The following MBOAT1 variants were observed in gnomAD, a reference collection of about 807,000 sequenced individuals.
MBOAT1 encodes the protein membrane-bound glycerophospholipid O-acyltransferase 1.
A neutral mutation model predicts 64.4 loss-of-function variants in MBOAT1; 67 were observed. The observed-to-expected ratio is 1.04, with a 90% CI of 0.85 to 1.27. MBOAT1 has a LOEUF of 1.27. Ranked by LOEUF, MBOAT1 falls within the 50% of genes most tolerant of loss-of-function variation. The probability of loss-of-function intolerance (pLI) is 0.00; values close to 1 mark genes in which losing one functional copy is unlikely to be tolerated. For missense variants in MBOAT1, 563 were observed against 604.6 expected (o/e 0.93, Z 0.72); for synonymous variants, 229 against 218.9 (o/e 1.05, Z -0.41).
At chr6:20,123,704 T>C (rs2113647570) in intron 8 of MBOAT1, among the ~76,000 whole-genome samples, 1 of 151,954 alleles carries the variant, frequency 6.6e-6, no homozygotes, top group Non-Finnish European at 1.5e-5. Context: ...AGCATGTGTG[T>C]TGGTCAAATT....
intron 4 of MBOAT1, among the ~76,000 whole-genome samples, chr6:20,132,759 T>C (rs1200396881): frequency 6.6e-6 from 1 of 152,212 alleles, no homozygotes; most frequent in East Asian, 1.9e-4. Context: ...AGGACACACA[T>C]CACCCAAGAA....
At chr6:20,145,183 C>T (rs763156756) in intron 3 of MBOAT1, among the ~76,000 whole-genome samples, 1 of 151,918 alleles carries the variant, frequency 6.6e-6, no homozygotes, top group Non-Finnish European at 1.5e-5. Context: ...GAGAGCAGAG[C>T]CTTCATAAAT....
intron 1 of MBOAT1, among the ~76,000 whole-genome samples, chr6:20,208,531 G>C (rs962281368): frequency 1.3e-5 from 2 of 151,458 alleles, no homozygotes. Flanking sequence ...GGAATGCCAC[G>C]TCTTTAAAGC....
intron 1 of MBOAT1, among the ~76,000 whole-genome samples, chr6:20,164,869 A>G (rs1761972072): frequency 6.6e-6 from 1 of 152,176 alleles, no homozygotes; most frequent in South Asian, 2.1e-4. Context: ...TAGCCATATG[A>G]CCATTTTGTG....
chr6:20,161,947 T>C (rs6923823), intron 1 of MBOAT1, among the ~76,000 whole-genome samples: 1,526 of 152,216 alleles, frequency 0.01, 28 homozygotes, highest in African/African-American at 0.035. Flanking sequence ...GTATCTGAGA[T>C]TGAGGGTGTC....
At chr6:20,136,554 G>T (rs1247858156) in intron 4 of MBOAT1, among the ~76,000 whole-genome samples, 1 of 152,120 alleles carries the variant, frequency 6.6e-6, no homozygotes, top group Admixed American at 6.5e-5. Flanking sequence ...TATTGGGCTG[G>T]TCAGATGGAG....
chr6:20,181,174 T>C (rs974531597), intron 1 of MBOAT1, among the ~76,000 whole-genome samples: 14 of 152,214 alleles, frequency 9.2e-5, no homozygotes, highest in Middle Eastern at 6.8e-3. Flanking sequence ...TGAATGACAA[T>C]CTGGCCACAA....
intron 10 of MBOAT1, among the ~76,000 whole-genome samples, chr6:20,115,051 AAACCAGGG>A (rs997378308): frequency 2.0e-5 from 3 of 152,214 alleles, no homozygotes; most frequent in African/African-American, 4.8e-5. Flanking sequence ...ATGGAGGATT[AAACCAGGG>A]CCTGGTATAC....
chr6:20,138,928 C>A (rs1287704718), intron 4 of MBOAT1, among the ~76,000 whole-genome samples: 2 of 152,144 alleles, frequency 1.3e-5, no homozygotes, highest in Non-Finnish European at 2.9e-5. Context: ...TCCTTGCTTC[C>A]GGTGACTGAC....
Position 20,210,955 on chromosome 6 carries a change from A to G in MBOAT1, c.99+1181T>C, listed in dbSNP as rs140509008. ...CGCCTCTGCCTGGGTCCCTGGGTCT[A>G]TCTCATCCTCACCAGAAACTAAAGA... On this transcript the variant is annotated intron_variant, in intron 1 of 12. Coordinates refer to ENST00000324607, the MANE Select transcript of MBOAT1 (RefSeq NM_001080480.3). Among the ~76,000 whole-genome samples, 569 of 152,260 alleles carry G rather than the reference A, an allele frequency of 3.7e-3. 2 individuals carry two copies. The highest frequency in any genetic ancestry group is 0.01 in the Middle Eastern group (3 of 294).
intron 1 of MBOAT1, among the ~76,000 whole-genome samples, chr6:20,156,152 T>C (rs1055717865): frequency 4.6e-5 from 7 of 151,148 alleles, no homozygotes; most frequent in Admixed American, 4.6e-4. Context: ...GCGCCTGTAG[T>C]CCCAGCTACT....
intron 5 of MBOAT1, among the ~76,000 whole-genome samples, chr6:20,130,929 C>T (rs372719729): frequency 3.3e-5 from 5 of 152,250 alleles, no homozygotes; most frequent in Admixed American, 1.3e-4. Flanking sequence ...AGTACAAATA[C>T]GTCAGCAAAT....
rs528120646 is a variant in MBOAT1, at chr6:20,118,647, G to C, written c.908-107C>G. 3.0e-4 allele frequency: 259 copies of C among 849,780 alleles called. 1 individual carries two copies. The African/African-American group carries it at 4.0e-3, about 13-fold the overall frequency. The allele number at this position is 849,780 out of a possible 1,614,324, so 52.6% of individuals were successfully genotyped here. ...CTTCAAGATGGAGAAATATGCAGTA[G>C]TGTCTTTGGAAAAGGAACCCCAAAA... On this transcript the variant is annotated intron_variant, in intron 8 of 12. Coordinates refer to ENST00000324607, the MANE Select transcript of MBOAT1 (RefSeq NM_001080480.3).
Position 20,112,987 on chromosome 6 carries a change from T to C in MBOAT1, c.1098A>G (p.Pro366=), listed in dbSNP as rs748921077. 5.6e-6 allele frequency: 9 copies of C among 1,613,894 alleles called. No homozygotes were observed. In the African/African-American group the frequency reaches 1.1e-4, roughly 19 times the overall value. The part of the protein sequence containing the change: ...WLKCVCYQRV[P]WYPTVLTFIL... The stretch of plus-strand genomic sequence containing the variant: ...TGAAGGTTAGCACCGTGGGGTACCA[T>C]GGAACCCGCTGATAGCACACACTGT... The change falls in exon 11 of 13, where the codon CCA becomes CCG. Residue 366 remains proline, a synonymous_variant. Transcript: ENST00000324607.
chr6:20,124,464 T>C lies in MBOAT1; in HGVS notation c.851A>G (p.Tyr284Cys). ...TGAGGCTTGCATGACAACATATAAGTAGCAGAGTCGAGCCGGAAAGCTTGC... is the reference window on the plus strand; with the variant it reads ...TGAGGCTTGCATGACAACATATAAGCAGCAGAGTCGAGCCGGAAAGCTTGC... ...HKASFPARLC[Y>C]LYVVMQASKP... Residue 284 changes from tyrosine to cysteine, a missense_variant, in exon 8 of 13, where the codon TAC (tyrosine) becomes TGC (cysteine). Coordinates refer to ENST00000324607, the MANE Select transcript of MBOAT1 (RefSeq NM_001080480.3). 2 of 1,614,148 alleles carry C rather than the reference T, an allele frequency of 1.2e-6. No individual in the cohort carries two copies. The highest frequency in any genetic ancestry group is 1.7e-6 in the Non-Finnish European group (2 of 1,180,024).
At chr6:20,185,431 A>G (rs1762623394) in intron 1 of MBOAT1, among the ~76,000 whole-genome samples, 1 of 152,206 alleles carries the variant, frequency 6.6e-6, no homozygotes, top group Non-Finnish European at 1.5e-5. Context: ...CATGCATAAT[A>G]TTGGGGGGCC....
intron 10 of MBOAT1, 49 bp from the exon 11 acceptor site, chr6:20,113,057 T>C (rs778622761): frequency 1.4e-5 from 22 of 1,588,996 alleles, no homozygotes; most frequent in Admixed American, 7.1e-5. Context: ...ACCAGAAACT[T>C]CTAAGTACAG....
chr6:20,152,703 G>A lies in MBOAT1; in HGVS notation c.166C>T (p.Pro56Ser). 1 of 1,612,180 alleles carries A rather than the reference G, an allele frequency of 6.2e-7. No homozygotes were observed. The highest frequency in any genetic ancestry group is 8.5e-7 in the Non-Finnish European group (1 of 1,178,724). The change falls in exon 2 of 13, where the codon CCT becomes TCT. Residue 56 changes from proline to serine, a missense_variant. Pro to Ser is a moderately conservative substitution (Grantham distance 74). Coordinates refer to ENST00000324607, the MANE Select transcript of MBOAT1 (RefSeq NM_001080480.3). ...CGGACATCAGAGCTGGTTGTACCAG[G>A]ACGTAAGTAGATGCGAAACCAGAAA... is the stretch of plus-strand genomic sequence containing the variant. Reference protein sequence around the residue: ...AAFWFRIYLRPGTTSSDVRHA... With the variant: ...AAFWFRIYLRSGTTSSDVRHA...
At chr6:20,158,972 A>C (rs770418560) in intron 1 of MBOAT1, among the ~76,000 whole-genome samples, 30 of 152,302 alleles carry the variant, frequency 2.0e-4, no homozygotes, top group Non-Finnish European at 3.8e-4. Flanking sequence ...TGTCAGGAGA[A>C]ATGTAAATCA....
Sources: allele counts gnomAD v4.1 joint callset (sites outside exome capture counted in the v4.1 genomes callset), GRCh38; gene constraint gnomAD v4.1.1; transcripts MANE v1.5; gene names NCBI Gene and HGNC (gene_info 2026-07-23, HGNC 2026-07-21).